The following RUVBL1 variants were observed in gnomAD, a reference collection of about 807,000 sequenced individuals.
The protein encoded by RUVBL1 is RuvB like AAA ATPase 1, also known as ruvB-like 1.
Under a neutral mutation model 52.4 loss-of-function variants are expected in RUVBL1, and 4 were observed. The ratio of observed to expected loss-of-function variants is 0.08; its 90% CI spans 0.04 to 0.17. RUVBL1 has a LOEUF of 0.17. RUVBL1 is among the 10% of genes least tolerant of loss of function. The probability of loss-of-function intolerance (pLI) is 1.00; values close to 1 mark genes in which losing one functional copy is unlikely to be tolerated. For missense variants in RUVBL1, 298 were observed against 572.8 expected, an observed-to-expected ratio of 0.52 and a Z score of 4.90; for synonymous variants, 217 against 214.4, an observed-to-expected ratio of 1.01 and a Z score of -0.10.
At chr3:128,107,602 A>AAGG in intron 3 of RUVBL1, among the ~76,000 whole-genome samples, 1 of 152,342 alleles carries the variant, frequency 6.6e-6, no homozygotes, top group Middle Eastern at 3.4e-3. Flanking sequence ...CTCAGATATT[A>AAGG]AAGTTAAGGA....
chr3:128,077,445 G>C (rs1942368604), downstream of RUVBL1, among the ~76,000 whole-genome samples: 1 of 152,218 alleles, frequency 6.6e-6, no homozygotes, highest in Admixed American at 6.5e-5. Flanking sequence ...ATGAATGGAT[G>C]ACCACGGATG....
intron 4 of RUVBL1, among the ~76,000 whole-genome samples, chr3:128,103,135 G>T (rs542134841): frequency 2.4e-4 from 36 of 152,318 alleles, no homozygotes; most frequent in African/African-American, 8.2e-4. Context: ...CATTTTGGAA[G>T]AAAAATTTCA....
Position 128,082,594 on chromosome 3 carries a change from A to G in RUVBL1, c.1120-20T>C. 1 of 1,588,702 alleles carries G rather than the reference A, an allele frequency of 6.3e-7. No homozygotes were observed. Among genetic ancestry groups the G allele is most frequent in the Non-Finnish European group, 8.6e-7 (1 of 1,160,596 alleles). On this transcript the variant is annotated intron_variant, in intron 9 of 10. Transcript: ENST00000322623. This position sits in a 1 kb window ranked among gnomAD's most constrained non-coding sequence, Gnocchi z 4.7. ...AATGATCTTTTAAAGGATAAAAAAC[A>G]TGATCAACGGTGACTGACCTCAAGT...
chr3:128,133,230 G>A (rs535172060), intron 1 of RUVBL1, among the ~76,000 whole-genome samples: 3 of 152,330 alleles, frequency 2.0e-5, no homozygotes, highest in African/African-American at 7.2e-5. Context: ...CAGTAGACTA[G>A]AGCACCAAAT....
chr3:128,123,924 G>A, upstream of RUVBL1: 2 of 1,239,740 alleles, frequency 1.6e-6, no homozygotes, highest in African/African-American at 1.5e-5. Context: ...CTAGAGCTCC[G>A]GTCACCCACT....
chr3:128,153,731 C>G, exon 1 of RUVBL1: 4 of 1,552,874 alleles, frequency 2.6e-6, no homozygotes, highest in Non-Finnish European at 3.5e-6. Context: ...CAGGCAGCGC[C>G]CGAGGCCGAG....
chr3:128,145,300 G>A (rs926953174), intron 1 of RUVBL1, among the ~76,000 whole-genome samples: 2 of 152,176 alleles, frequency 1.3e-5, no homozygotes, highest in Non-Finnish European at 2.9e-5. Flanking sequence ...GTTTTGTAAT[G>A]TGCCCAAGGC....
chr3:128,086,106 C>T (rs1171159988), intron 9 of RUVBL1, among the ~76,000 whole-genome samples: 7 of 152,210 alleles, frequency 4.6e-5, no homozygotes. Context: ...AAGCGATCCT[C>T]TCACCTCAGC....
downstream of RUVBL1, among the ~76,000 whole-genome samples, chr3:128,077,418 G>T (rs191516138): frequency 4.3e-4 from 66 of 152,346 alleles, no homozygotes; most frequent in African/African-American, 1.3e-3. Context: ...CAAGAAAGAG[G>T]AACTTCTGTG....
intron 4 of RUVBL1, among the ~76,000 whole-genome samples, chr3:128,103,727 G>GA: frequency 6.6e-6 from 1 of 152,324 alleles, no homozygotes; most frequent in Middle Eastern, 3.4e-3. Context: ...GGATAACCAT[G>GA]TAACCTCTTT....
rs535402520 is a variant in RUVBL1 at position 128,075,509 on chromosome 3, C to T, written c.940-10289G>A. On this transcript the variant is annotated intron_variant, in intron 9 of 9. Coordinates refer to the RUVBL1 transcript ENST00000464873. Reference sequence around the variant, plus strand: ...TTAATTGAAAGCCCAACTCAGCCTTCCCCCACTGCTCCTTCCCCGCATGCA... The same window carrying T: ...TTAATTGAAAGCCCAACTCAGCCTTTCCCCACTGCTCCTTCCCCGCATGCA... Among the ~76,000 whole-genome samples the T allele has an allele frequency of 5.1e-3, 784 of 152,324 alleles. 4 individuals are homozygous for T. Among genetic ancestry groups the T allele is most frequent in the Non-Finnish European group, 7.1e-3 (485 of 68,022 alleles).
chr3:128,122,791 G>A (rs976794519), intron 1 of RUVBL1, among the ~76,000 whole-genome samples: 1 of 152,214 alleles, frequency 6.6e-6, no homozygotes, highest in African/African-American at 2.4e-5. Flanking sequence ...TGATTTGGGA[G>A]TCAGAAATAC....
At position 128,119,377 on chromosome 3, in the gene RUVBL1, T is replaced by C. The variant is rs373626804; in HGVS notation, c.179A>G (p.Lys60Arg). 4.1e-5 allele frequency: 66 copies of C among 1,613,988 alleles called. No homozygotes were observed. Among genetic ancestry groups the C allele is most frequent in the Non-Finnish European group, 5.5e-5 (65 of 1,180,014 alleles). ...CAACAAGACAGCTCTTCCAGCCATT[T>C]TCTTGCTTTTGATTAATTCTACTAT... ...GVIVELIKSK[K>R]MAGRAVLLAG... Residue 60 changes from lysine (K) to arginine (R), a missense_variant, in exon 2 of 11, where the codon AAA (lysine) becomes AGA (arginine). Lys to Arg is a conservative substitution (Grantham distance 26, BLOSUM62 2). This residue lies in a region of RUVBL1 where 71 missense variants were observed against 125.7 expected (regional missense o/e 0.57). Coordinates refer to ENST00000322623, the MANE Select transcript of RUVBL1 (RefSeq NM_003707.3).
chr3:128,109,809 ATTTTTTTTTTT>A (rs60187195), intron 3 of RUVBL1, among the ~76,000 whole-genome samples: 2 of 80,498 alleles, frequency 2.5e-5, no homozygotes, highest in East Asian at 4.0e-4. Context: ...CTCTCTGTAA[ATTTTTTTTTTT>A]TTTTTTTTTT....
chr3:128,142,786 T>G (rs1944045537), intron 1 of RUVBL1, among the ~76,000 whole-genome samples: 1 of 152,088 alleles, frequency 6.6e-6, no homozygotes, highest in Non-Finnish European at 1.5e-5. Flanking sequence ...GCCTCTCTCC[T>G]TTTTTTGTTT....
intron 9 of RUVBL1, among the ~76,000 whole-genome samples, chr3:128,069,323 C>G (rs1576427622): frequency 6.6e-6 from 1 of 152,344 alleles, no homozygotes; most frequent in South Asian, 2.1e-4. Flanking sequence ...GCGCCTTGGC[C>G]TAGAGCGCTA....
intron 1 of RUVBL1, chr3:128,153,114 C>T (rs1270531366): frequency 3.3e-6 from 2 of 601,826 alleles, no homozygotes; most frequent in Non-Finnish European, 4.3e-6. Context: ...TGTTACAGAG[C>T]ACTGATTGGT....
rs771737810 is a variant in RUVBL1 at position 128,067,504 on chromosome 3, C to T, written c.940-2284G>A. The T allele has an allele frequency of 3.7e-6, 6 of 1,614,140 alleles. No homozygotes were observed. Among genetic ancestry groups the T allele is most frequent in the South Asian group, 1.1e-5 (1 of 91,086 alleles). Reference sequence around the variant, plus strand: ...TGTCCCCTCCAGAATCTTTTGGCTCCGTGTTAGAAGACCCGGTCCATGCAG... The same window carrying T: ...TGTCCCCTCCAGAATCTTTTGGCTCTGTGTTAGAAGACCCGGTCCATGCAG... On this transcript the variant is annotated intron_variant, in intron 9 of 9. Coordinates refer to the RUVBL1 transcript ENST00000464873. This position sits in a 1 kb window ranked among gnomAD's most constrained non-coding sequence, Gnocchi z 4.1.
At chr3:128,128,799 A>G (rs555664284), upstream of RUVBL1, among the ~76,000 whole-genome samples, 14 of 152,212 alleles carry the variant, frequency 9.2e-5, no homozygotes, top group Non-Finnish European at 2.1e-4. Context: ...AGCTTCTACT[A>G]TGTGCCAAGC....
Sources: gnomAD v4.1 joint callset for allele counts (sites outside exome capture counted in the v4.1 genomes callset) on GRCh38, gnomAD v4.1.1 for gene constraint, gnomAD v4.1.1 regional missense constraint, Gnocchi (gnomAD v3.1) non-coding constraint, MANE v1.5 for transcripts, NCBI Gene and HGNC (gene_info 2026-07-23, HGNC 2026-07-21) for gene names.